Variants in HMCN1 observed in about 807,000 individuals in gnomAD.
The protein encoded by HMCN1 is hemicentin-1.
In HMCN1, 321 loss-of-function variants were observed where a neutral mutation model predicts 625.9. The observed-to-expected ratio is 0.51, with a 90% CI of 0.47 to 0.56. HMCN1 has a LOEUF of 0.56. Among genes scored for constraint, HMCN1 ranks in the 20% least tolerant of loss-of-function variants. HMCN1 has a pLI of 0.00. For missense variants in HMCN1, 6,588 were observed against 6,887.3 expected (o/e 0.96, Z 1.54); for synonymous variants, 2,425 against 2,417.6 (o/e 1.00, Z -0.09).
At chr1:185,779,172 C>T (rs1417011615) in intron 1 of HMCN1, among the ~76,000 whole-genome samples, 22 of 152,212 alleles carry the variant, frequency 1.4e-4, no homozygotes, top group Admixed American at 9.2e-4. Context: ...TCATATCCTT[C>T]GCCCACTTTT....
rs41317481 is a variant in HMCN1, at chr1:186,078,040, G to T, written c.8486-67G>T. 2.0e-4 allele frequency: 243 copies of T among 1,196,378 alleles called. No homozygotes were observed. The African/African-American group carries it at 3.3e-3, about 16-fold the overall frequency. The allele number at this position is 1,196,378 out of a possible 1,614,324, so 74.1% of individuals were successfully genotyped here. Reference sequence around the variant, plus strand: ...AGGCAGTCATTAGACCTGAAAATTTGTATCTGTTTATGGCTTGTGTTCACT... The same window carrying T: ...AGGCAGTCATTAGACCTGAAAATTTTTATCTGTTTATGGCTTGTGTTCACT... On this transcript the variant is annotated intron_variant, in intron 54 of 106. Transcript: ENST00000271588.
intron 6 of HMCN1, among the ~76,000 whole-genome samples, chr1:185,919,518 C>G (rs766004700): frequency 2.6e-5 from 4 of 152,178 alleles, no homozygotes; most frequent in Non-Finnish European, 4.4e-5. Context: ...TTTTCCTGCT[C>G]TTTCCTTGGC....
intron 78 of HMCN1, 140 bp from the exon 79 acceptor site, chr1:186,119,605 A>G: frequency 1.1e-6 from 1 of 892,528 alleles, no homozygotes; most frequent in South Asian, 1.6e-5. Flanking sequence ...CAGTGTGGCC[A>G]ACATTCACTT....
Position 186,016,188 on chromosome 1 carries a change from G to A in HMCN1, c.5140G>A (p.Ala1714Thr). 6.2e-7 allele frequency: 1 copy of A among 1,613,340 alleles called. No individual in the cohort carries two copies. The highest frequency in any genetic ancestry group is 8.5e-7 in the Non-Finnish European group (1 of 1,179,454). Reference sequence around the variant, plus strand: ...TGATCGAGGACAGTACATATGCGTGGCTACCAGTGTGGCAGGAGAAAAGGA... The same window carrying A: ...TGATCGAGGACAGTACATATGCGTGACTACCAGTGTGGCAGGAGAAAAGGA... ...EIDRGQYICV[A>T]TSVAGEKEIK... Residue 1714 changes from alanine (A) to threonine (T), a missense_variant, in exon 32 of 107, where the codon GCT becomes ACT. By Grantham distance (58) the Ala-to-Thr change is moderately conservative (BLOSUM62 0). Transcript: ENST00000271588.
intron 40 of HMCN1, among the ~76,000 whole-genome samples, chr1:186,043,009 C>A (rs1318140206): frequency 6.6e-6 from 1 of 151,846 alleles, no homozygotes; most frequent in Non-Finnish European, 1.5e-5. Context: ...TTTGCCATAC[C>A]CTGAGATATT....
rs370034155 is a variant in HMCN1 at position 186,012,530 on chromosome 1, T to C, written c.4631-2629T>C. ...AAAGTTGTCTTAAAAAAAAATTTAC[T>C]ATTGATGTTGCTCCCAGTGTTCTCA... On this transcript the variant is annotated intron_variant, in intron 30 of 106. Transcript: ENST00000271588. 7.2e-5 allele frequency among the ~76,000 whole-genome samples: 11 copies of C among 152,282 alleles called. No individual in the cohort carries two copies. In the East Asian group the frequency reaches 1.3e-3, roughly 19 times the overall value.
At position 185,989,541 on chromosome 1, in the gene HMCN1, T is replaced by C. The variant is rs752004477; in HGVS notation, c.3102T>C (p.Gly1034=). The C allele has an allele frequency of 3.7e-5, 60 of 1,613,846 alleles. No individual in the cohort carries two copies. Among genetic ancestry groups the C allele is most frequent in the Admixed American group, 3.5e-4 (21 of 59,996 alleles). The change falls in exon 21 of 107, where the codon GGT becomes GGC. Residue 1034 remains glycine, a synonymous_variant. Transcript: ENST00000271588. ...SSAKFSAGAD[G]SLYVVSPGGE... ...CTAAGTTTTCAGCAGGAGCTGATGG[T>C]AGTCTGTATGTGGTATCACCTGGAG...
intron 6 of HMCN1, among the ~76,000 whole-genome samples, chr1:185,917,000 C>A (rs925573760): frequency 6.6e-6 from 1 of 152,118 alleles, no homozygotes; most frequent in African/African-American, 2.4e-5. Flanking sequence ...CCTTATTACC[C>A]AGTAGGCAAG....
intron 76 of HMCN1, 84 bp downstream of exon 76, chr1:186,117,199 C>A: frequency 2.4e-6 from 3 of 1,257,170 alleles, no homozygotes; most frequent in Non-Finnish European, 3.3e-6. Context: ...GATCCCTTTT[C>A]TTTTTTTTTT....
At chr1:185,746,515 C>A (rs573979821) in intron 1 of HMCN1, among the ~76,000 whole-genome samples, 2 of 152,076 alleles carry the variant, frequency 1.3e-5, no homozygotes, top group Admixed American at 1.3e-4. Flanking sequence ...CAATCTTTGA[C>A]GTTCCTTGGC....
chr1:185,735,896 C>T (rs1653530618), intron 1 of HMCN1, among the ~76,000 whole-genome samples: 1 of 152,122 alleles, frequency 6.6e-6, no homozygotes, highest in African/African-American at 2.4e-5. Context: ...GTCTAATGTC[C>T]ACCTGAGTTT....
intron 10 of HMCN1, among the ~76,000 whole-genome samples, chr1:185,931,355 G>A (rs1187228113): frequency 6.6e-6 from 1 of 151,942 alleles, no homozygotes; most frequent in Non-Finnish European, 1.5e-5. Flanking sequence ...TGTAATCTTG[G>A]CCTCCTTCAC....
chr1:185,946,105 A>C (rs1339010574), intron 11 of HMCN1, among the ~76,000 whole-genome samples: 1 of 152,200 alleles, frequency 6.6e-6, no homozygotes, highest in East Asian at 1.9e-4. Context: ...TGACAGCTGG[A>C]AGGATGGGAG....
At chr1:185,915,599 G>A (rs73062157) in intron 6 of HMCN1, among the ~76,000 whole-genome samples, 16,480 of 151,950 alleles carry the variant, frequency 0.11, 2,898 homozygotes, top group African/African-American at 0.37. Context: ...GTACCCAACC[G>A]CATGATTATA....
chr1:185,917,303 A>G (rs1349977066), intron 6 of HMCN1, among the ~76,000 whole-genome samples: 1 of 152,206 alleles, frequency 6.6e-6, no homozygotes, highest in Non-Finnish European at 1.5e-5. Flanking sequence ...TTTCTATGCC[A>G]TAGGGTGCAA....
intron 36 of HMCN1, among the ~76,000 whole-genome samples, chr1:186,026,579 C>T (rs1655070177): frequency 6.6e-6 from 1 of 152,104 alleles, no homozygotes; most frequent in African/African-American, 2.4e-5. Context: ...TAATTAGGTT[C>T]AGTTATTAAT....
intron 4 of HMCN1, among the ~76,000 whole-genome samples, chr1:185,900,928 C>T (rs980016263): frequency 6.6e-6 from 1 of 151,808 alleles, no homozygotes; most frequent in Non-Finnish European, 1.5e-5. Flanking sequence ...AAAATGAGTG[C>T]AAACCAACAG....
intron 78 of HMCN1, 41 bp downstream of exon 78, chr1:186,119,339 G>A: frequency 6.8e-7 from 1 of 1,466,628 alleles, no homozygotes; most frequent in Non-Finnish European, 9.6e-7. Flanking sequence ...CGCTGGGTTT[G>A]GGGAGGTTTT....
At chr1:185,894,060 G>A (rs1319723052) in intron 4 of HMCN1, among the ~76,000 whole-genome samples, 7 of 151,918 alleles carry the variant, frequency 4.6e-5, no homozygotes, top group Non-Finnish European at 8.8e-5. Flanking sequence ...GCGTGAACCC[G>A]GGAGGCAGAG....
Sources: gnomAD v4.1 joint callset for allele counts (sites outside exome capture counted in the v4.1 genomes callset) on GRCh38, gnomAD v4.1.1 for gene constraint, MANE v1.5 for transcripts, NCBI Gene and HGNC (gene_info 2026-07-23, HGNC 2026-07-21) for gene names.